Variants in FTO observed in about 807,000 individuals in gnomAD.
The protein encoded by FTO is FTO alpha-ketoglutarate dependent dioxygenase.
In FTO, 47 loss-of-function variants were observed where a neutral mutation model predicts 63.9. The observed-to-expected ratio is 0.74, with a 90% confidence interval of 0.58 to 0.94. The LOEUF is 0.94. Among genes scored for constraint, FTO ranks in the 40% least tolerant of loss-of-function variants. FTO has a pLI of 0.00. For missense variants in FTO, 562 were observed against 618.1 expected (o/e 0.91, Z 0.96); for synonymous variants, 207 against 224.4 (o/e 0.92, Z 0.69).
At chr16:53,879,496 C>G (rs946712098) in intron 5 of FTO, among the ~76,000 whole-genome samples, 1 of 151,894 alleles carries the variant, frequency 6.6e-6, no homozygotes, top group Non-Finnish European at 1.5e-5. Context: ...GATAATATAG[C>G]AAGATCCTGT....
At chr16:53,994,205 T>G (rs1402450232) in intron 8 of FTO, 2 of 152,346 alleles carry the variant, frequency 1.3e-5, no homozygotes, top group East Asian at 3.9e-4. Context: ...GTTTCCTTTA[T>G]GAACAGCCCC....
At chr16:53,868,544 A>G (rs2080398705) in intron 4 of FTO, among the ~76,000 whole-genome samples, 1 of 148,286 alleles carries the variant, frequency 6.7e-6, no homozygotes, top group African/African-American at 2.6e-5. Context: ...ATAAGCATAG[A>G]TAGGCACACA....
intron 8 of FTO, among the ~76,000 whole-genome samples, chr16:54,089,735 A>G (rs2144548235): frequency 6.6e-6 from 1 of 152,312 alleles, no homozygotes; most frequent in East Asian, 1.9e-4. Context: ...TTCATTAGAC[A>G]TTTCTCCAAA....
At position 54,120,345 on chromosome 16, in the gene FTO, G is replaced by T. The variant is rs1340783404; in HGVS notation, c.*8430G>T. 2.0e-5 allele frequency: 3 copies of T among 152,224 alleles called. No individual in the cohort carries two copies. Among genetic ancestry groups the T allele is most frequent in the African/African-American group, 4.8e-5 (2 of 41,454 alleles). The allele number at this position is 152,224 out of a possible 1,614,324, so 9.4% of individuals were successfully genotyped here. A position where few individuals can be genotyped will look rare whatever the true frequency, so the allele number is the denominator to read the frequency against. ...TCATAGTATTGACTCTTCAGTCTTA[G>T]CCAACACACACTTGTTGATTCCTTC... On this transcript the variant is annotated 3_prime_UTR_variant, in exon 9 of 9. Coordinates refer to ENST00000471389, the MANE Select transcript of FTO (RefSeq NM_001080432.3).
At chr16:54,030,766 A>T (rs2084809853) in intron 8 of FTO, among the ~76,000 whole-genome samples, 1 of 152,224 alleles carries the variant, frequency 6.6e-6, no homozygotes, top group Non-Finnish European at 1.5e-5. Flanking sequence ...AAAACATGAA[A>T]AGTAAAACTC....
chr16:54,079,253 C>G (rs1459097037), intron 8 of FTO, among the ~76,000 whole-genome samples: 2 of 152,092 alleles, frequency 1.3e-5, no homozygotes, highest in African/African-American at 4.8e-5. Flanking sequence ...TCAGTGCCTG[C>G]TGACATAATC....
chr16:54,024,419 G>A (rs567920656), intron 8 of FTO, among the ~76,000 whole-genome samples: 15 of 151,796 alleles, frequency 9.9e-5, no homozygotes, highest in South Asian at 2.1e-4. Flanking sequence ...TAGTAGAGAC[G>A]GGGTCTCACC....
chr16:53,787,741 C>T (rs1428676722), intron 1 of FTO, among the ~76,000 whole-genome samples: 1 of 152,020 alleles, frequency 6.6e-6, no homozygotes, highest in Admixed American at 6.6e-5. Flanking sequence ...CCCTAGTAGA[C>T]CAGGTGGGCC....
intron 8 of FTO, among the ~76,000 whole-genome samples, chr16:53,939,078 C>T (rs557037027): frequency 2.6e-5 from 4 of 151,980 alleles, no homozygotes; most frequent in African/African-American, 7.2e-5. Context: ...AGCCTGGGAG[C>T]GAGACTCTGT....
chr16:54,025,161 G>A (rs76209869), intron 8 of FTO, among the ~76,000 whole-genome samples: 1 of 152,362 alleles, frequency 6.6e-6, no homozygotes, highest in East Asian at 1.9e-4. Context: ...GGAGGCCAGA[G>A]CCCCTTGATG....
chr16:54,109,667 A>G (rs931506792), intron 8 of FTO, among the ~76,000 whole-genome samples: 1 of 152,250 alleles, frequency 6.6e-6, no homozygotes. Context: ...ACAACAGCAG[A>G]AAACTGTGAA....
intron 1 of FTO, among the ~76,000 whole-genome samples, chr16:53,723,307 T>C (rs1940902028): frequency 6.6e-6 from 1 of 152,214 alleles, no homozygotes; most frequent in Admixed American, 6.5e-5. Flanking sequence ...TCCCATTGGA[T>C]TCAAATGATA....
At chr16:54,024,156 T>G (rs2084660247) in intron 8 of FTO, among the ~76,000 whole-genome samples, 1 of 152,194 alleles carries the variant, frequency 6.6e-6, no homozygotes, top group Non-Finnish European at 1.5e-5. Flanking sequence ...AATTATTAAG[T>G]AAAAGGTATA....
chr16:54,050,955 A>G (rs932458864), intron 8 of FTO, among the ~76,000 whole-genome samples: 1 of 152,226 alleles, frequency 6.6e-6, no homozygotes, highest in Non-Finnish European at 1.5e-5. Context: ...TCTATGTGAA[A>G]GTTTCCAACT....
intron 1 of FTO, among the ~76,000 whole-genome samples, chr16:53,750,934 G>A (rs2076774315): frequency 2.0e-5 from 3 of 152,196 alleles, no homozygotes; most frequent in Admixed American, 2.0e-4. Flanking sequence ...TAAAGAAATA[G>A]AACTGTTCTT....
intron 8 of FTO, among the ~76,000 whole-genome samples, chr16:54,002,846 T>C (rs1254550782): frequency 2.6e-5 from 4 of 152,218 alleles, no homozygotes; most frequent in African/African-American, 9.6e-5. Context: ...TGGAAAATAG[T>C]GTAGAAGACC....
At position 53,779,488 on chromosome 16, in the gene FTO, A is replaced by G. The variant is rs562142334; in HGVS notation, c.46-30652A>G. ...TTTAACAGTCCAGCTCCTTTAATAG[A>G]TCAATTCTCTATTGTGGTTTGAATT... On this transcript the variant is annotated intron_variant, in intron 1 of 8. Coordinates refer to ENST00000471389, the MANE Select transcript of FTO (RefSeq NM_001080432.3). Among the ~76,000 whole-genome samples the G allele has an allele frequency of 3.3e-4, 50 of 152,260 alleles. No individual in the cohort carries two copies. In the South Asian group the frequency reaches 7.7e-3, roughly 23 times the overall value.
intron 1 of FTO, among the ~76,000 whole-genome samples, chr16:53,718,884 T>C (rs2075961191): frequency 6.6e-6 from 1 of 152,204 alleles, no homozygotes; most frequent in East Asian, 1.9e-4. Context: ...GATGGGTCAG[T>C]ATCAGGGATT....
chr16:54,082,224 G>A (rs1464504709), intron 8 of FTO, among the ~76,000 whole-genome samples: 2 of 152,114 alleles, frequency 1.3e-5, no homozygotes, highest in African/African-American at 4.8e-5. Context: ...AAACTTTCCA[G>A]TTCCCTCCAA....
Sources: allele counts gnomAD v4.1 joint callset (sites outside exome capture counted in the v4.1 genomes callset), GRCh38; gene constraint gnomAD v4.1.1; transcripts MANE v1.5; gene names NCBI Gene and HGNC (gene_info 2026-07-23, HGNC 2026-07-21).